The following NTM variants were observed in gnomAD, a reference collection of about 807,000 sequenced individuals.
NTM encodes neurotrimin.
NTM carries 13 observed loss-of-function variants against 42.1 expected under a neutral mutation model. That is an observed-to-expected ratio of 0.31 (90% confidence interval 0.20 to 0.49). NTM has a LOEUF of 0.49. Among genes scored for constraint, NTM ranks in the 20% least tolerant of loss-of-function variants. The pLI, the probability that NTM is intolerant of heterozygous loss-of-function variation, is 0.99. For synonymous variants in NTM, 187 were observed against 179.2 expected (o/e 1.04, Z -0.35); for missense variants, 373 against 452.8 (o/e 0.82, Z 1.60).
At chr11:131,861,214 C>T (rs188876931) in intron 1 of NTM, among the ~76,000 whole-genome samples, 21 of 152,312 alleles carry the variant, frequency 1.4e-4, no homozygotes, top group African/African-American at 4.1e-4. Flanking sequence ...AGGGCCTACA[C>T]ATCAACACCA....
At chr11:131,985,566 G>C (rs184711731) in intron 2 of NTM, among the ~76,000 whole-genome samples, 86 of 152,300 alleles carry the variant, frequency 5.6e-4, no homozygotes, top group African/African-American at 2.0e-3. Context: ...CATCAGGAGG[G>C]GTTGCCTACC....
intron 1 of NTM, among the ~76,000 whole-genome samples, chr11:131,425,243 GGCTGA>G (rs1948008801): frequency 6.6e-6 from 1 of 151,862 alleles, no homozygotes; most frequent in Non-Finnish European, 1.5e-5. Flanking sequence ...GGTTTAGGTG[GGCTGA>G]GAAATAATTC....
intron 1 of NTM, among the ~76,000 whole-genome samples, chr11:131,639,014 C>T (rs1020721196): frequency 1.3e-5 from 2 of 152,208 alleles, no homozygotes; most frequent in Non-Finnish European, 2.9e-5. Flanking sequence ...TACTATTATA[C>T]TCATTTGATA....
chr11:132,104,009 A>T (rs977582391), intron 2 of NTM, among the ~76,000 whole-genome samples: 2 of 152,190 alleles, frequency 1.3e-5, no homozygotes, highest in African/African-American at 4.8e-5. Context: ...GTATACACCA[A>T]CTTGTATGTG....
At chr11:131,779,188 C>G (rs182219272) in intron 1 of NTM, among the ~76,000 whole-genome samples, 1 of 152,170 alleles carries the variant, frequency 6.6e-6, no homozygotes, top group Non-Finnish European at 1.5e-5. Context: ...TCTGCCCACA[C>G]AAATGAGCCT....
At chr11:132,282,740 T>C (rs1447421541) in intron 4 of NTM, among the ~76,000 whole-genome samples, 2 of 152,162 alleles carry the variant, frequency 1.3e-5, no homozygotes, top group Non-Finnish European at 2.9e-5. Context: ...AGTGATAAAT[T>C]GAATATTTAG....
chr11:132,033,148 C>T (rs1228785888), intron 2 of NTM, among the ~76,000 whole-genome samples: 5 of 152,136 alleles, frequency 3.3e-5, no homozygotes, highest in African/African-American at 9.7e-5. Context: ...AATGAGAGCA[C>T]GCTCATGGCT....
intron 1 of NTM, chr11:131,794,727 G>T: frequency 3.0e-6 from 3 of 985,416 alleles, no homozygotes; most frequent in Non-Finnish European, 3.6e-6. Flanking sequence ...TAAAAGCAGA[G>T]ATAGCTTGTG....
chr11:132,221,515 G>T (rs1354744104), intron 4 of NTM, among the ~76,000 whole-genome samples: 4 of 152,110 alleles, frequency 2.6e-5, no homozygotes, highest in African/African-American at 9.7e-5. Context: ...GGGCTTCATT[G>T]CTGTGCTGGG....
intron 1 of NTM, among the ~76,000 whole-genome samples, chr11:131,867,463 CTGTG>C (rs962305049): frequency 1.1e-4 from 17 of 150,740 alleles, no homozygotes; most frequent in African/African-American, 4.2e-4. Context: ...GTGTGTGTGT[CTGTG>C]TGTGTCTGAG....
intron 4 of NTM, among the ~76,000 whole-genome samples, chr11:132,259,439 C>T (rs1264769899): frequency 2.6e-5 from 4 of 151,890 alleles, no homozygotes; most frequent in East Asian, 3.9e-4. Flanking sequence ...CCCAGCACTT[C>T]GGGAGGCCAA....
At chr11:131,572,291 G>A (rs1465746007) in intron 1 of NTM, among the ~76,000 whole-genome samples, 1 of 152,164 alleles carries the variant, frequency 6.6e-6, no homozygotes, top group Non-Finnish European at 1.5e-5. Flanking sequence ...ACAGTGATCT[G>A]TGACAAGATT....
At chr11:131,604,786 C>T (rs2060795976) in intron 1 of NTM, among the ~76,000 whole-genome samples, 1 of 151,448 alleles carries the variant, frequency 6.6e-6, no homozygotes, top group African/African-American at 2.4e-5. Flanking sequence ...CTCCAGTTGT[C>T]CTAGCATCAG....
rs560712304 is a variant in NTM at position 131,620,337 on chromosome 11, C to G, written c.82+249449C>G. Among the ~76,000 whole-genome samples, 10 of 152,266 alleles carry G rather than the reference C, an allele frequency of 6.6e-5. No individual in the cohort carries two copies. The South Asian group carries it at 1.0e-3, about 16-fold the overall frequency. On this transcript the variant is annotated intron_variant, in intron 1 of 8. Transcript: ENST00000683400. ...AAAATCCCTTTCCTGGTCTTCCTAC[C>G]TCTTCCCATCTCCCTTCCTATTCAC... is the stretch of plus-strand genomic sequence containing the variant.
intron 1 of NTM, among the ~76,000 whole-genome samples, chr11:131,668,291 T>TCTAC (rs2069464468): frequency 6.6e-6 from 1 of 151,874 alleles, no homozygotes; most frequent in South Asian, 2.1e-4. Flanking sequence ...TATCTATCTA[T>TCTAC]CTGTAAATAA....
intron 2 of NTM, among the ~76,000 whole-genome samples, chr11:132,117,723 T>C (rs926796166): frequency 1.3e-5 from 2 of 152,224 alleles, no homozygotes; most frequent in East Asian, 3.8e-4. Context: ...TTTGGGGTTT[T>C]GTTTGTGTAA....
intron 1 of NTM, among the ~76,000 whole-genome samples, chr11:131,437,281 CT>C (rs1565499188): frequency 6.6e-6 from 1 of 152,134 alleles, no homozygotes; most frequent in African/African-American, 2.4e-5. Flanking sequence ...GTGGAGAGTT[CT>C]GTAGATGTCT....
Position 132,173,929 on chromosome 11 carries a change from AAAAC to A in NTM, c.400+27423_400+27426del, listed in dbSNP as rs551736926. 1.6e-4 allele frequency among the ~76,000 whole-genome samples: 24 copies of A among 152,330 alleles called. No homozygotes were observed. In the South Asian group the frequency reaches 4.4e-3, roughly 28 times the overall value. On this transcript the variant is annotated intron_variant, in intron 3 of 8. Coordinates refer to ENST00000683400, the MANE Select transcript of NTM (RefSeq NM_001352005.2). ...GCCTCCCACTTTCTTAAAAATGTGA[AAAAC>A]AAACAAAAACCAGTTCAGAACACTT...
intron 2 of NTM, among the ~76,000 whole-genome samples, chr11:131,964,175 A>G (rs1320424392): frequency 6.6e-6 from 1 of 152,190 alleles, no homozygotes; most frequent in Non-Finnish European, 1.5e-5. Context: ...AGGGAGCTGG[A>G]GAAGACAGTT....
Sources: gnomAD v4.1 joint callset for allele counts (sites outside exome capture counted in the v4.1 genomes callset) on GRCh38, gnomAD v4.1.1 for gene constraint, MANE v1.5 for transcripts, NCBI Gene and HGNC (gene_info 2026-07-23, HGNC 2026-07-21) for gene names.